Variants in ELAPOR2 observed in about 807,000 individuals in gnomAD.
The protein encoded by ELAPOR2 is endosome/lysosome-associated apoptosis and autophagy regulator family member 2.
ELAPOR2 carries 89 observed loss-of-function variants against 120.7 expected under a neutral mutation model. That is an observed-to-expected ratio of 0.74 (90% confidence interval 0.62 to 0.88). The LOEUF (loss-of-function observed/expected upper bound fraction) is 0.88. Ranked by LOEUF, ELAPOR2 falls within the 40% of genes least tolerant of loss-of-function variation. The pLI, the probability that ELAPOR2 is intolerant of heterozygous loss-of-function variation, is 0.00. For missense variants in ELAPOR2, 1,134 were observed against 1,251.6 expected, an observed-to-expected ratio of 0.91 and a Z score of 1.42; for synonymous variants, 444 against 444.9, an observed-to-expected ratio of 1.00 and a Z score of 0.03.
At position 87,040,854 on chromosome 7, in the gene ELAPOR2, G is replaced by C. The variant is rs374621267; in HGVS notation, c.189+18471C>G. Among the ~76,000 whole-genome samples the C allele has an allele frequency of 3.9e-5, 6 of 152,080 alleles. No individual in the cohort carries two copies. The East Asian group carries it at 9.7e-4, about 25-fold the overall frequency. On this transcript the variant is annotated intron_variant, in intron 1 of 21. Coordinates refer to ENST00000450689, the MANE Select transcript of ELAPOR2 (RefSeq NM_001142749.3). ...CATTCAAACCAAAGGCAAAGAAGTT[G>C]AAAACTTTGAAAAAAATTTAGAAGA...
chr7:86,889,656 T>C (rs763644318), intron 21 of ELAPOR2, among the ~76,000 whole-genome samples: 2 of 152,006 alleles, frequency 1.3e-5, no homozygotes, highest in African/African-American at 2.4e-5. Flanking sequence ...ACTTCTGGAA[T>C]TTTCCATGTA....
chr7:86,943,687 G>A (rs923337244), intron 4 of ELAPOR2, among the ~76,000 whole-genome samples: 3 of 151,936 alleles, frequency 2.0e-5, no homozygotes, highest in African/African-American at 7.2e-5. Context: ...TTAGATAACT[G>A]CTTTGCTTCT....
chr7:86,965,047 G>A, intron 1 of ELAPOR2, 23 bp from the exon 2 acceptor site: 1 of 1,551,210 alleles, frequency 6.4e-7, no homozygotes. Flanking sequence ...ACAAAAACAA[G>A]CCTTTGTTAG....
At chr7:86,889,775 A>C (rs1788046886) in intron 21 of ELAPOR2, among the ~76,000 whole-genome samples, 1 of 152,046 alleles carries the variant, frequency 6.6e-6, no homozygotes, top group Non-Finnish European at 1.5e-5. Context: ...GTTTCTGTTA[A>C]GATTTTGAAA....
intron 1 of ELAPOR2, among the ~76,000 whole-genome samples, chr7:87,000,897 G>C (rs1388310345): frequency 6.8e-6 from 1 of 146,960 alleles, no homozygotes; most frequent in Non-Finnish European, 1.5e-5. Flanking sequence ...TTCTGTCTCT[G>C]ACTAGATGTA....
chr7:87,035,081 C>T (rs143986104), intron 1 of ELAPOR2, among the ~76,000 whole-genome samples: 9 of 149,504 alleles, frequency 6.0e-5, no homozygotes, highest in African/African-American at 2.0e-4. Context: ...GAGTGAAACT[C>T]CGTCTCAAAA....
chr7:86,972,727 C>T (rs995425482), intron 1 of ELAPOR2, among the ~76,000 whole-genome samples: 1 of 151,696 alleles, frequency 6.6e-6, no homozygotes, highest in Non-Finnish European at 1.5e-5. Context: ...GTCCTTTCCG[C>T]TTGAACCACC....
chr7:87,026,084 C>T lies in ELAPOR2; in HGVS notation c.189+33241G>A, dbSNP rs559749771. Among the ~76,000 whole-genome samples, 11 of 152,164 alleles carry T rather than the reference C, an allele frequency of 7.2e-5. No individual in the cohort carries two copies. In the South Asian group the frequency reaches 1.9e-3, roughly 26 times the overall value. ...TATGCTGTTTGTATTTTTATCAGTA[C>T]AGTCACTAAGAAAGCACTGAGAAAA... On this transcript the variant is annotated intron_variant, in intron 1 of 21. Coordinates refer to ENST00000450689, the MANE Select transcript of ELAPOR2 (RefSeq NM_001142749.3).
intron 2 of ELAPOR2, among the ~76,000 whole-genome samples, chr7:86,954,474 T>C (rs2116426266): frequency 6.6e-6 from 1 of 152,284 alleles, no homozygotes. Flanking sequence ...AAAGTTTTTA[T>C]TACTAAAATA....
chr7:87,058,643 A>G (rs146702123), intron 1 of ELAPOR2, among the ~76,000 whole-genome samples: 35 of 152,294 alleles, frequency 2.3e-4, no homozygotes, highest in African/African-American at 7.7e-4. Context: ...ACACCGCGGC[A>G]ATACTTCAGC....
intron 14 of ELAPOR2, among the ~76,000 whole-genome samples, chr7:86,912,697 T>G (rs1789371574): frequency 6.6e-6 from 1 of 152,194 alleles, no homozygotes; most frequent in Non-Finnish European, 1.5e-5. Context: ...AGTTTTAATA[T>G]TTTGGAAAAG....
At position 86,938,801 on chromosome 7, in the gene ELAPOR2, G is replaced by C; in HGVS notation, c.1000+7C>G. ...AAAGAAAAAAGCAGAGTATAAACTA[G>C]TTCTACCTGAAAATTGAGAGTCGTC... On this transcript the variant is annotated splice_region_variant and intron_variant, in intron 7 of 21. Coordinates refer to ENST00000450689, the MANE Select transcript of ELAPOR2 (RefSeq NM_001142749.3). 4 of 1,612,656 alleles carry C rather than the reference G, an allele frequency of 2.5e-6. No individual in the cohort carries two copies. Among genetic ancestry groups the C allele is most frequent in the Non-Finnish European group, 1.7e-6 (2 of 1,179,016 alleles).
chr7:87,000,757 T>C (rs1244867592), intron 1 of ELAPOR2, among the ~76,000 whole-genome samples: 2 of 152,118 alleles, frequency 1.3e-5, no homozygotes. Context: ...CTGACCCCTA[T>C]CAAAAAGTAG....
chr7:86,899,285 T>C (rs1267979285), intron 18 of ELAPOR2, among the ~76,000 whole-genome samples: 1 of 152,114 alleles, frequency 6.6e-6, no homozygotes, highest in East Asian at 1.9e-4. Context: ...TTTGGACAGA[T>C]TTTAGTAAGA....
intron 2 of ELAPOR2, among the ~76,000 whole-genome samples, chr7:86,953,093 CAAAAAAA>C (rs11351621): frequency 1.0e-5 from 1 of 99,634 alleles, no homozygotes; most frequent in African/African-American, 3.8e-5. Context: ...AAGCCTCTGT[CAAAAAAA>C]AAAAAAAAAA....
At chr7:86,994,129 G>A (rs1793045392) in intron 1 of ELAPOR2, among the ~76,000 whole-genome samples, 1 of 152,148 alleles carries the variant, frequency 6.6e-6, no homozygotes, top group Non-Finnish European at 1.5e-5. Context: ...CCTAGTAGCA[G>A]ATCTGTTTAA....
intron 1 of ELAPOR2, among the ~76,000 whole-genome samples, chr7:86,980,666 C>T (rs1272104040): frequency 6.6e-6 from 1 of 152,074 alleles, no homozygotes; most frequent in South Asian, 2.1e-4. Flanking sequence ...AGCATGCCTC[C>T]TTCCTGTGGG....
At chr7:86,924,374 T>TACACAC (rs3057442) in intron 10 of ELAPOR2, among the ~76,000 whole-genome samples, 22,847 of 145,150 alleles carry the variant, frequency 0.16, 1,806 homozygotes, top group Middle Eastern at 0.22. Context: ...AGTAAGTGAA[T>TACACAC]ACACACACAC....
At chr7:86,960,346 G>T (rs1562944632) in intron 2 of ELAPOR2, among the ~76,000 whole-genome samples, 1 of 152,170 alleles carries the variant, frequency 6.6e-6, no homozygotes, top group African/African-American at 2.4e-5. Context: ...TGCCTCCCAG[G>T]TTCAAGCGAT....
Sources: allele counts gnomAD v4.1 joint callset (sites outside exome capture counted in the v4.1 genomes callset), GRCh38; gene constraint gnomAD v4.1.1; transcripts MANE v1.5; gene names NCBI Gene and HGNC (gene_info 2026-07-23, HGNC 2026-07-21).